Variants in TMEM132D observed in about 807,000 individuals in gnomAD.
The protein encoded by TMEM132D is mature OL transmembrane protein.
In TMEM132D, 21 loss-of-function variants were observed where a neutral mutation model predicts 62.3. That is an observed-to-expected ratio of 0.34 (90% confidence interval 0.24 to 0.49). TMEM132D has a LOEUF of 0.49. Ranked by LOEUF, TMEM132D falls within the 20% of genes least tolerant of loss-of-function variation. The pLI is 0.99. For synonymous variants in TMEM132D, 621 were observed against 575.6 expected (o/e 1.08, Z -1.13); for missense variants, 1,346 against 1,402.8 (o/e 0.96, Z 0.65).
intron 2 of TMEM132D, among the ~76,000 whole-genome samples, chr12:129,647,218 T>C (rs1477648639): frequency 6.7e-6 from 1 of 150,290 alleles, no homozygotes; most frequent in Non-Finnish European, 1.5e-5. Flanking sequence ...GCAATGTGCA[T>C]TATTTGCTGT....
intron 2 of TMEM132D, among the ~76,000 whole-genome samples, chr12:129,670,519 A>G (rs1212731970): frequency 1.3e-5 from 2 of 152,078 alleles, no homozygotes; most frequent in African/African-American, 4.8e-5. Flanking sequence ...GTGCAAGAAG[A>G]CAGCCTCGAC....
At chr12:129,271,196 GA>G (rs1305256597) in intron 4 of TMEM132D, among the ~76,000 whole-genome samples, 5 of 148,760 alleles carry the variant, frequency 3.4e-5, no homozygotes, top group Admixed American at 6.6e-5. Context: ...GATTTGTTAG[GA>G]AAAAAAATAA....
chr12:129,365,362 T>C (rs1428322048), intron 3 of TMEM132D, among the ~76,000 whole-genome samples: 2 of 152,138 alleles, frequency 1.3e-5, no homozygotes, highest in African/African-American at 2.4e-5. Context: ...AGGTGCCTAA[T>C]CTTTCCCTAA....
intron 5 of TMEM132D, among the ~76,000 whole-genome samples, chr12:129,098,551 T>A (rs777911659): frequency 5.9e-5 from 9 of 152,330 alleles, no homozygotes; most frequent in Non-Finnish European, 1.2e-4. Flanking sequence ...CTAACTCCAC[T>A]GTCCTTCACA....
intron 4 of TMEM132D, among the ~76,000 whole-genome samples, chr12:129,293,019 C>A (rs1400999897): frequency 1.3e-5 from 2 of 152,218 alleles, no homozygotes; most frequent in South Asian, 2.1e-4. Context: ...GAGAGAGGAT[C>A]TGAGGGCAGA....
intron 2 of TMEM132D, among the ~76,000 whole-genome samples, chr12:129,664,032 C>T (rs1339050147): frequency 2.0e-5 from 3 of 152,186 alleles, no homozygotes; most frequent in African/African-American, 4.8e-5. Flanking sequence ...TACACATCTC[C>T]TGCATGGCGT....
At chr12:129,268,459 G>T (rs1182765615) in intron 4 of TMEM132D, among the ~76,000 whole-genome samples, 3 of 152,220 alleles carry the variant, frequency 2.0e-5, no homozygotes, top group Non-Finnish European at 2.9e-5. Flanking sequence ...GGCCATCAGA[G>T]AAATGCAAAT....
At chr12:129,763,787 T>C (rs1398824452) in intron 1 of TMEM132D, among the ~76,000 whole-genome samples, 3 of 152,036 alleles carry the variant, frequency 2.0e-5, no homozygotes, top group African/African-American at 7.2e-5. Context: ...TGTGCCCAGA[T>C]GAAGCAAGTG....
intron 4 of TMEM132D, among the ~76,000 whole-genome samples, 198 bp downstream of exon 4, chr12:129,337,432 TACAC>T (rs889062618): frequency 1.4e-4 from 15 of 109,650 alleles, no homozygotes; most frequent in African/African-American, 2.9e-4. Flanking sequence ...TAGATATAGA[TACAC>T]ACACGCACAC....
chr12:129,663,233 G>A (rs982753296), intron 2 of TMEM132D, among the ~76,000 whole-genome samples: 1 of 152,170 alleles, frequency 6.6e-6, no homozygotes, highest in African/African-American at 2.4e-5. Context: ...CACCTCCTGG[G>A]TTCAAGCGAT....
chr12:129,894,747 T>C (rs925705347), intron 1 of TMEM132D, among the ~76,000 whole-genome samples: 1 of 141,100 alleles, frequency 7.1e-6, no homozygotes. Flanking sequence ...GTAGTTTCTC[T>C]TTTTTTTTTC....
At chr12:129,615,909 G>A (rs1437908580) in intron 2 of TMEM132D, among the ~76,000 whole-genome samples, 1 of 152,244 alleles carries the variant, frequency 6.6e-6, no homozygotes, top group Non-Finnish European at 1.5e-5. Flanking sequence ...CTTGAGTTGA[G>A]TGGCAGCTCC....
chr12:129,328,278 G>A (rs1868984272), intron 4 of TMEM132D, among the ~76,000 whole-genome samples: 1 of 152,238 alleles, frequency 6.6e-6, no homozygotes, highest in South Asian at 2.1e-4. Flanking sequence ...TGAGTGGCAT[G>A]AGCTCTGCTA....
At chr12:129,101,984 G>GTTTT (rs774221783) in intron 5 of TMEM132D, among the ~76,000 whole-genome samples, 12 of 126,956 alleles carry the variant, frequency 9.5e-5, no homozygotes, top group South Asian at 2.4e-4. Flanking sequence ...CAAAGCTGCT[G>GTTTT]TTTTTTTTTT....
chr12:129,358,303 AC>A (rs1870138411), intron 3 of TMEM132D, among the ~76,000 whole-genome samples: 1 of 150,888 alleles, frequency 6.6e-6, no homozygotes, highest in South Asian at 2.1e-4. Context: ...CATTTCTGGA[AC>A]CCTTGTTGTT....
At position 129,614,100 on chromosome 12, in the gene TMEM132D, A is replaced by G. The variant is rs111490959; in HGVS notation, c.969-82895T>C. Among the ~76,000 whole-genome samples the G allele has an allele frequency of 2.0e-3, 270 of 137,694 alleles. 2 individuals carry two copies. Among genetic ancestry groups the G allele is most frequent in the African/African-American group, 6.4e-3 (259 of 40,496 alleles). 90.3% of individuals were successfully genotyped at this position (137,694 alleles called of 152,430 possible). On this transcript the variant is annotated intron_variant, in intron 2 of 8. Coordinates refer to ENST00000422113, the MANE Select transcript of TMEM132D (RefSeq NM_133448.3). ...CTCCAGGACCCAGGTGACTGTCTCC[A>G]TAACCTAGGCGACTGTCTCCAGAAC...
At chr12:129,233,693 C>T (rs1391476553) in intron 4 of TMEM132D, among the ~76,000 whole-genome samples, 1 of 152,028 alleles carries the variant, frequency 6.6e-6, no homozygotes, top group African/African-American at 2.4e-5. Context: ...ATGGTGTGAT[C>T]TCAGCTCACT....
intron 5 of TMEM132D, among the ~76,000 whole-genome samples, chr12:129,126,641 A>C (rs1876222301): frequency 6.6e-6 from 1 of 152,228 alleles, no homozygotes; most frequent in African/African-American, 2.4e-5. Flanking sequence ...AGTAACATAC[A>C]TACGCGTTTG....
At chr12:129,725,438 T>G (rs1370616202) in intron 1 of TMEM132D, among the ~76,000 whole-genome samples, 6 of 152,240 alleles carry the variant, frequency 3.9e-5, no homozygotes, top group African/African-American at 1.4e-4. Context: ...TCAATGCTGG[T>G]GATGCCACCG....
Sources: gnomAD v4.1 joint callset for allele counts (sites outside exome capture counted in the v4.1 genomes callset) on GRCh38, gnomAD v4.1.1 for gene constraint, MANE v1.5 for transcripts, NCBI Gene and HGNC (gene_info 2026-07-23, HGNC 2026-07-21) for gene names.